ARHGEF9: variants seen among roughly 807,000 people sequenced by gnomAD.
ARHGEF9 encodes Cdc42 guanine nucleotide exchange factor 9.
ARHGEF9 carries 2 observed loss-of-function variants against 41.3 expected under a neutral mutation model. The ratio of observed to expected loss-of-function variants is 0.05; its 90% CI spans 0.02 to 0.15. The LOEUF is 0.15. Among genes scored for constraint, ARHGEF9 ranks in the 10% least tolerant of loss-of-function variants. ARHGEF9 has a pLI of 1.00. For missense variants in ARHGEF9, 225 were observed against 424.7 expected, an observed-to-expected ratio of 0.53 and a Z score of 4.13; for synonymous variants, 160 against 154.4, an observed-to-expected ratio of 1.04 and a Z score of -0.27.
At chrX:63,702,317 C>A (rs1164215599) in intron 3 of ARHGEF9, among the ~76,000 whole-genome samples, 1 of 112,193 alleles carries the variant, frequency 8.9e-6, no homozygotes, top group Non-Finnish European at 1.9e-5. Context: ...ACTTTGAGTT[C>A]TAAGGTTATA....
chrX:63,754,247 G>T, intron 1 of ARHGEF9: 1 of 1,152,126 alleles, frequency 8.7e-7, no homozygotes, highest in Non-Finnish European at 1.2e-6. Context: ...GCAACTATAC[G>T]CGCAGGCATT....
At chrX:63,780,002 G>T (rs186464341) in intron 1 of ARHGEF9, among the ~76,000 whole-genome samples, 70 of 112,022 alleles carry the variant, frequency 6.2e-4, no homozygotes, top group African/African-American at 2.0e-3. Flanking sequence ...ATAAGTAGAA[G>T]TATTAAATAG....
At chrX:63,718,952 C>T (rs1157698926) in intron 2 of ARHGEF9, among the ~76,000 whole-genome samples, 1 of 111,479 alleles carries the variant, frequency 9.0e-6, no homozygotes, top group Non-Finnish European at 1.9e-5. Context: ...TTAAGATTCT[C>T]TCTGAGCTGA....
At chrX:63,655,904 G>T (rs1237329561) in intron 7 of ARHGEF9, among the ~76,000 whole-genome samples, 167 bp from the exon 8 acceptor site, 4 of 111,852 alleles carry the variant, frequency 3.6e-5, no homozygotes, top group Non-Finnish European at 7.5e-5. Context: ...ACACTGACAG[G>T]TTGGTTAACT....
intron 1 of ARHGEF9, among the ~76,000 whole-genome samples, chrX:63,770,537 G>GTTTA (rs2056187134): frequency 8.9e-6 from 1 of 112,046 alleles, no homozygotes; most frequent in Non-Finnish European, 1.9e-5. Flanking sequence ...TAAGGCTTTG[G>GTTTA]GGGACTGTTG....
At chrX:63,763,522 T>C (rs1312795213) in intron 1 of ARHGEF9, among the ~76,000 whole-genome samples, 4 of 102,825 alleles carry the variant, frequency 3.9e-5, no homozygotes, top group African/African-American at 1.4e-4. Context: ...AGAAGTAGTA[T>C]ATAGCCTAAT....
At chrX:63,665,697 ACAAG>A (rs1479179422) in intron 7 of ARHGEF9, among the ~76,000 whole-genome samples, 185 bp downstream of exon 7, 1 of 112,357 alleles carries the variant, frequency 8.9e-6, no homozygotes, top group Non-Finnish European at 1.9e-5. Context: ...TTCACTGCCC[ACAAG>A]CCAACCCTGC....
At chrX:63,754,365 A>T (rs782201008) in intron 1 of ARHGEF9, 11 of 1,209,157 alleles carry the variant, frequency 9.1e-6, no homozygotes, top group African/African-American at 1.8e-5. Context: ...CCCCTGAGTA[A>T]GAAAGCTTGT....
chrX:63,653,657 T>C (rs1459335128), intron 8 of ARHGEF9, among the ~76,000 whole-genome samples: 3 of 111,416 alleles, frequency 2.7e-5, no homozygotes, highest in African/African-American at 9.8e-5. Flanking sequence ...GGACATGAGA[T>C]AAGTATGGAA....
intron 2 of ARHGEF9, among the ~76,000 whole-genome samples, chrX:63,708,178 A>C (rs144147028): frequency 8.9e-6 from 1 of 111,914 alleles, no homozygotes; most frequent in Non-Finnish European, 1.9e-5. Flanking sequence ...CATCTCATAT[A>C]CATGATGCTG....
At chrX:63,665,329 G>A (rs1556346443) in intron 7 of ARHGEF9, among the ~76,000 whole-genome samples, 1 of 112,526 alleles carries the variant, frequency 8.9e-6, no homozygotes, top group Admixed American at 9.4e-5. Flanking sequence ...AAGGAAGAGT[G>A]GAGAAGAGCA....
At chrX:63,689,634 A>G (rs1323581048) in intron 4 of ARHGEF9, among the ~76,000 whole-genome samples, 3 of 112,339 alleles carry the variant, frequency 2.7e-5, no homozygotes, top group South Asian at 3.7e-4. Flanking sequence ...CAGTTGTACT[A>G]TAGACCAAAT....
chrX:63,763,430 T>TTC (rs782398472), intron 1 of ARHGEF9, among the ~76,000 whole-genome samples: 26 of 106,877 alleles, frequency 2.4e-4, no homozygotes, highest in South Asian at 1.6e-3. Context: ...TCTTAATAAG[T>TTC]TCTCTCTCTC....
At chrX:63,718,504 T>G (rs781788857) in intron 2 of ARHGEF9, among the ~76,000 whole-genome samples, 8 of 109,262 alleles carry the variant, frequency 7.3e-5, no homozygotes, top group Non-Finnish European at 1.5e-4. Flanking sequence ...AACCCGGGGG[T>G]TGATTACACA....
intron 8 of ARHGEF9, among the ~76,000 whole-genome samples, chrX:63,650,316 G>C (rs2048460790): frequency 9.0e-6 from 1 of 111,255 alleles, no homozygotes; most frequent in African/African-American, 3.3e-5. Context: ...AGGAAATGTG[G>C]CATATATACA....
rs781850284 is a variant in ARHGEF9 at position 63,781,434 on chromosome X, A to G, written c.30+3682T>C. Among the ~76,000 whole-genome samples the G allele has an allele frequency of 1.3e-4, 14 of 111,797 alleles. No individual in the cohort carries two copies. In the East Asian group the frequency reaches 3.1e-3, roughly 25 times the overall value. ...TTAGCCCTACCATGGTCAGAAGTCCAAAAGCAGATCACTCGAACATTGACT... is the reference window on the plus strand; with the variant it reads ...TTAGCCCTACCATGGTCAGAAGTCCGAAAGCAGATCACTCGAACATTGACT... On this transcript the variant is annotated intron_variant, in intron 1 of 9. Transcript: ENST00000671741.
At chrX:63,776,206 T>G (rs1189407436) in intron 1 of ARHGEF9, among the ~76,000 whole-genome samples, 5 of 111,306 alleles carry the variant, frequency 4.5e-5, no homozygotes, top group African/African-American at 1.6e-4. Flanking sequence ...CCACACTCCT[T>G]TCTGCTCCTT....
chrX:63,698,172 C>T (rs1212960094), intron 3 of ARHGEF9, among the ~76,000 whole-genome samples: 3 of 105,411 alleles, frequency 2.8e-5, no homozygotes, highest in Non-Finnish European at 3.9e-5. Context: ...ATAAATGTGT[C>T]CTAACACGTT....
intron 1 of ARHGEF9, among the ~76,000 whole-genome samples, chrX:63,766,284 A>G (rs1445320839): frequency 1.8e-5 from 2 of 111,822 alleles, no homozygotes; most frequent in Admixed American, 9.5e-5. Flanking sequence ...GAGAGGAGGA[A>G]ATGGAGGGAG....
Sources: allele counts gnomAD v4.1 joint callset (sites outside exome capture counted in the v4.1 genomes callset), GRCh38; gene constraint gnomAD v4.1.1; transcripts MANE v1.5; gene names NCBI Gene and HGNC (gene_info 2026-07-23, HGNC 2026-07-21).